TBC1D5: variants seen among roughly 807,000 people sequenced by gnomAD.
The protein encoded by TBC1D5 is TBC1 domain family, member 5.
A neutral mutation model predicts 100.3 loss-of-function variants in TBC1D5; 75 were observed. That is an observed-to-expected ratio of 0.75 (90% CI 0.62 to 0.91). TBC1D5 has a LOEUF of 0.91. TBC1D5 is among the 40% of genes least tolerant of loss of function. The pLI, the probability that TBC1D5 is intolerant of heterozygous loss-of-function variation, is 0.00. For missense variants in TBC1D5, 910 were observed against 942.4 expected, an observed-to-expected ratio of 0.97 and a Z score of 0.45; for synonymous variants, 323 against 325.6, an observed-to-expected ratio of 0.99 and a Z score of 0.09.
At chr3:17,443,851 T>G (rs948043537) in intron 3 of TBC1D5, among the ~76,000 whole-genome samples, 6 of 152,120 alleles carry the variant, frequency 3.9e-5, no homozygotes, top group Admixed American at 3.9e-4. Context: ...CAACAAAAGT[T>G]ATATACAATC....
intron 3 of TBC1D5, among the ~76,000 whole-genome samples, chr3:17,462,125 C>T (rs551597020): frequency 4.0e-5 from 6 of 151,890 alleles, no homozygotes; most frequent in African/African-American, 1.4e-4. Flanking sequence ...AAAAATATGT[C>T]TTTCTTCTTT....
intron 3 of TBC1D5, among the ~76,000 whole-genome samples, chr3:17,472,953 C>G (rs941228651): frequency 6.6e-6 from 1 of 152,218 alleles, no homozygotes; most frequent in Non-Finnish European, 1.5e-5. Context: ...CACACTCAGT[C>G]ATCTTAGTTG....
At chr3:17,195,548 G>A (rs932818595) in intron 18 of TBC1D5, among the ~76,000 whole-genome samples, 1 of 152,200 alleles carries the variant, frequency 6.6e-6, no homozygotes, top group Non-Finnish European at 1.5e-5. Flanking sequence ...TTATGACAAA[G>A]CTAATTGATC....
chr3:17,239,021 T>C (rs1230351845), intron 16 of TBC1D5, among the ~76,000 whole-genome samples: 1 of 152,186 alleles, frequency 6.6e-6, no homozygotes, highest in Non-Finnish European at 1.5e-5. Context: ...ACTTCCCTGG[T>C]TTATTTTTCT....
intron 1 of TBC1D5, among the ~76,000 whole-genome samples, chr3:17,655,024 T>C (rs1191667438): frequency 2.0e-5 from 3 of 151,820 alleles, no homozygotes; most frequent in African/African-American, 4.8e-5. Flanking sequence ...TATCATTTTT[T>C]ATTGCGTCTA....
intron 2 of TBC1D5, among the ~76,000 whole-genome samples, chr3:17,554,680 C>T (rs1224302730): frequency 1.3e-5 from 2 of 152,268 alleles, no homozygotes; most frequent in East Asian, 1.9e-4. Context: ...AAAAACTTTA[C>T]ACAAATGGGA....
intron 13 of TBC1D5, among the ~76,000 whole-genome samples, chr3:17,316,914 C>T (rs529177297): frequency 6.6e-6 from 1 of 152,278 alleles, no homozygotes; most frequent in South Asian, 2.1e-4. Flanking sequence ...CAAGTATTTC[C>T]TAAACTTCAA....
In TBC1D5 at chr3:17,641,931, A is replaced by G. The variant is rs576168736; in HGVS notation, c.-100-18018T>C. Reference sequence around the variant, plus strand: ...CCCTACACAAAAAAGAATAAAATGCAATGTTTTAAAATAGCCCCCAATCTG... The same window carrying G: ...CCCTACACAAAAAAGAATAAAATGCGATGTTTTAAAATAGCCCCCAATCTG... On this transcript the variant is annotated intron_variant, in intron 1 of 21. Coordinates refer to ENST00000253692, the Ensembl canonical transcript of TBC1D5. Among the ~76,000 whole-genome samples, 7 of 152,278 alleles carry G rather than the reference A, an allele frequency of 4.6e-5. No individual in the cohort carries two copies. The East Asian group carries it at 9.6e-4, about 21-fold the overall frequency.
At chr3:17,567,339 G>A (rs1027258755) in intron 2 of TBC1D5, among the ~76,000 whole-genome samples, 2 of 151,702 alleles carry the variant, frequency 1.3e-5, no homozygotes, top group Non-Finnish European at 3.0e-5. Context: ...AATAAATCAT[G>A]TGGAATCTTA....
chr3:17,446,557 T>TA (rs1576004329), intron 3 of TBC1D5, among the ~76,000 whole-genome samples: 1 of 152,174 alleles, frequency 6.6e-6, no homozygotes, highest in East Asian at 1.9e-4. Context: ...AGAGGAAATG[T>TA]AATCTGGAAT....
At position 17,354,872 on chromosome 3, in the gene TBC1D5, T is replaced by C. The variant is rs1036465644; in HGVS notation, c.995+17203A>G. On this transcript the variant is annotated intron_variant, in intron 13 of 21. Transcript: ENST00000253692. ...CCATATGGATGTGTTTTCATCAATA[T>C]AGGCAAGCAGAGAATGCACACGGAC... 7.9e-5 allele frequency among the ~76,000 whole-genome samples: 12 copies of C among 151,988 alleles called. No homozygotes were observed. In the East Asian group the frequency reaches 2.3e-3, roughly 29 times the overall value.
At chr3:17,401,831 T>G (rs1488401025) in intron 8 of TBC1D5, among the ~76,000 whole-genome samples, 2 of 152,154 alleles carry the variant, frequency 1.3e-5, no homozygotes, top group African/African-American at 4.8e-5. Flanking sequence ...TTAAAAGGCC[T>G]GTTTACTACC....
At chr3:17,454,286 T>G (rs1246072989) in intron 3 of TBC1D5, among the ~76,000 whole-genome samples, 2 of 152,054 alleles carry the variant, frequency 1.3e-5, no homozygotes, top group African/African-American at 2.4e-5. Flanking sequence ...TCAGATGAGA[T>G]AACGGTATAA....
intron 1 of TBC1D5, among the ~76,000 whole-genome samples, chr3:17,652,185 G>A (rs1051683304): frequency 2.6e-5 from 4 of 152,114 alleles, no homozygotes; most frequent in African/African-American, 9.7e-5. Context: ...TTATAGACCT[G>A]ATCTAGTCCT....
chr3:17,199,362 G>A (rs114247196), intron 18 of TBC1D5, among the ~76,000 whole-genome samples: 2 of 152,280 alleles, frequency 1.3e-5, no homozygotes, highest in South Asian at 4.1e-4. Context: ...GTTGTCTAGA[G>A]ATGAATTTAA....
chr3:17,529,065 T>A (rs571590200), intron 2 of TBC1D5, among the ~76,000 whole-genome samples: 2 of 152,172 alleles, frequency 1.3e-5, no homozygotes, highest in African/African-American at 4.8e-5. Flanking sequence ...TCAATAAAGA[T>A]CACTGCAGTT....
At chr3:17,485,970 T>C (rs1321439152) in intron 3 of TBC1D5, among the ~76,000 whole-genome samples, 1 of 152,060 alleles carries the variant, frequency 6.6e-6, no homozygotes, top group Non-Finnish European at 1.5e-5. Context: ...AGTGTAAAAG[T>C]GTTCCTATTT....
chr3:17,403,201 A>G (rs1371705239), exon 8 of TBC1D5: 8 of 1,590,654 alleles, frequency 5.0e-6, no homozygotes, highest in African/African-American at 1.3e-5. Context: ...CATCTTGTTC[A>G]ATCATTGATC....
chr3:17,287,485 A>T (rs1048762139), intron 15 of TBC1D5, among the ~76,000 whole-genome samples: 1 of 152,240 alleles, frequency 6.6e-6, no homozygotes, highest in Non-Finnish European at 1.5e-5. Flanking sequence ...ATGAATAGAT[A>T]GAACAGTCAT....
Sources: allele counts gnomAD v4.1 joint callset (sites outside exome capture counted in the v4.1 genomes callset), GRCh38; gene constraint gnomAD v4.1.1; transcripts MANE v1.5; gene names NCBI Gene and HGNC (gene_info 2026-07-23, HGNC 2026-07-21).